Variants in AUTS2 observed in about 807,000 individuals in gnomAD.
The protein encoded by AUTS2 is autism susceptibility gene 2 protein.
In AUTS2, 17 loss-of-function variants were observed where a neutral mutation model predicts 112.4. The ratio of observed to expected loss-of-function variants is 0.15; its 90% CI spans 0.10 to 0.23. AUTS2 has a LOEUF of 0.23. Ranked by LOEUF, AUTS2 falls within the 10% of genes least tolerant of loss-of-function variation. The pLI is 1.00. For synonymous variants in AUTS2, 751 were observed against 702.7 expected (o/e 1.07, Z -1.09); for missense variants, 1,510 against 1,701.6 (o/e 0.89, Z 1.98).
intron 4 of AUTS2, among the ~76,000 whole-genome samples, chr7:70,185,879 G>A (rs1809577510): frequency 6.6e-6 from 1 of 152,190 alleles, no homozygotes; most frequent in South Asian, 2.1e-4. Context: ...AAAGGCGTGA[G>A]ATTGAGGGAT....
At chr7:70,722,242 G>A (rs1044279098) in intron 6 of AUTS2, among the ~76,000 whole-genome samples, 2 of 151,656 alleles carry the variant, frequency 1.3e-5, no homozygotes, top group Non-Finnish European at 1.5e-5. Context: ...CTCATGGTGG[G>A]GTTTGTTACC....
intron 1 of AUTS2, among the ~76,000 whole-genome samples, chr7:69,692,096 T>G (rs1797373903): frequency 6.6e-6 from 1 of 152,044 alleles, no homozygotes; most frequent in African/African-American, 2.4e-5. Flanking sequence ...GCTTTAGAGG[T>G]GGGAGAATTG....
chr7:70,010,777 G>C (rs561180000), intron 2 of AUTS2, among the ~76,000 whole-genome samples: 3 of 152,284 alleles, frequency 2.0e-5, no homozygotes, highest in African/African-American at 7.2e-5. Context: ...ACCCAAACTA[G>C]ATATTCTCCA....
intron 2 of AUTS2, among the ~76,000 whole-genome samples, chr7:69,931,112 T>TACAC (rs58190258): frequency 1.4e-3 from 210 of 148,994 alleles, no homozygotes; most frequent in South Asian, 3.2e-3. Context: ...ATTTTGGATT[T>TACAC]ACACACACAC....
chr7:69,729,365 C>T (rs546450376), intron 1 of AUTS2, among the ~76,000 whole-genome samples: 2 of 149,836 alleles, frequency 1.3e-5, no homozygotes, highest in South Asian at 2.1e-4. Flanking sequence ...GAAAACTTAT[C>T]TTTAAGAAGT....
At chr7:70,302,906 CT>C (rs61466921) in intron 4 of AUTS2, among the ~76,000 whole-genome samples, 621 of 127,824 alleles carry the variant, frequency 4.9e-3, no homozygotes, top group South Asian at 0.011. Context: ...GAAAGATCTT[CT>C]TTTTTTTTTT....
intron 4 of AUTS2, among the ~76,000 whole-genome samples, chr7:70,279,205 G>A (rs1318481705): frequency 6.6e-6 from 1 of 152,032 alleles, no homozygotes; most frequent in Admixed American, 6.6e-5. Context: ...TTATTTGATG[G>A]GAATAAAAAT....
chr7:69,759,533 C>T (rs1788078858), intron 1 of AUTS2, among the ~76,000 whole-genome samples: 11 of 151,962 alleles, frequency 7.2e-5, no homozygotes, highest in Admixed American at 7.2e-4. Context: ...TAGGGTTGTG[C>T]AACCTGTACT....
chr7:69,829,608 T>C (rs1293307648), intron 1 of AUTS2, among the ~76,000 whole-genome samples: 1 of 152,096 alleles, frequency 6.6e-6, no homozygotes, highest in Non-Finnish European at 1.5e-5. Context: ...AGAAGACATT[T>C]ATGCGGCCAA....
At chr7:70,159,895 A>C (rs1562749765) in intron 4 of AUTS2, among the ~76,000 whole-genome samples, 1 of 152,126 alleles carries the variant, frequency 6.6e-6, no homozygotes, top group South Asian at 2.1e-4. Flanking sequence ...TGTTTTTATC[A>C]TGGTGAAGGG....
intron 4 of AUTS2, among the ~76,000 whole-genome samples, chr7:70,178,621 G>A (rs1482196000): frequency 6.6e-6 from 1 of 151,994 alleles, no homozygotes; most frequent in African/African-American, 2.4e-5. Context: ...CCAACATGAC[G>A]AATCCCCGTC....
rs368420155 is a variant in AUTS2, at chr7:70,693,033, C to T, written c.691-5536C>T. Among the ~76,000 whole-genome samples, 8 of 152,180 alleles carry T rather than the reference C, an allele frequency of 5.3e-5. No individual in the cohort carries two copies. The East Asian group carries it at 1.5e-3, about 29-fold the overall frequency. ...GGTGTGCCCACTGTACTCCACAACC[C>T]TACCGGTTGCAACCTAGGGCTTGCT... is the stretch of plus-strand genomic sequence containing the variant. On this transcript the variant is annotated intron_variant, in intron 5 of 18. Coordinates refer to ENST00000342771, the MANE Select transcript of AUTS2 (RefSeq NM_015570.4).
chr7:70,501,351 CAG>C (rs1458910852), intron 5 of AUTS2, among the ~76,000 whole-genome samples: 3 of 152,170 alleles, frequency 2.0e-5, no homozygotes, highest in Admixed American at 6.5e-5. Context: ...CTTGTGGAAA[CAG>C]GGGCATTAAC....
intron 5 of AUTS2, among the ~76,000 whole-genome samples, chr7:70,468,362 C>G (rs1041306968): frequency 2.6e-5 from 4 of 152,150 alleles, no homozygotes; most frequent in African/African-American, 9.7e-5. Flanking sequence ...ACCTCCTGCT[C>G]TACCTTCCTG....
intron 5 of AUTS2, among the ~76,000 whole-genome samples, chr7:70,582,843 G>A (rs1802513457): frequency 6.6e-6 from 1 of 152,106 alleles, no homozygotes; most frequent in Admixed American, 6.6e-5. Context: ...TAAAAAAAAT[G>A]TGTTGTATAT....
intron 6 of AUTS2, among the ~76,000 whole-genome samples, chr7:70,704,036 T>C (rs563292906): frequency 1.3e-5 from 2 of 152,340 alleles, no homozygotes; most frequent in East Asian, 3.9e-4. Context: ...CTTGGAGAAT[T>C]TGTTGTATAG....
At chr7:70,187,779 T>C (rs995190716) in intron 4 of AUTS2, among the ~76,000 whole-genome samples, 1 of 147,760 alleles carries the variant, frequency 6.8e-6, no homozygotes, top group Non-Finnish European at 1.5e-5. Context: ...AGTCTTCTTT[T>C]TTTTTTTTTT....
chr7:70,154,033 C>T (rs1339274155), intron 4 of AUTS2, among the ~76,000 whole-genome samples: 2 of 152,294 alleles, frequency 1.3e-5, no homozygotes, highest in African/African-American at 2.4e-5. Context: ...CAGTCTTTCT[C>T]GGCAACATCT....
At position 69,767,998 on chromosome 7, in the gene AUTS2, C is replaced by T. The variant is rs552144122; in HGVS notation, c.310-131288C>T. Among the ~76,000 whole-genome samples the T allele has an allele frequency of 3.6e-4, 55 of 152,302 alleles. 2 individuals are homozygous for T. Among genetic ancestry groups the T allele is most frequent in the Middle Eastern group, 3.4e-3 (1 of 294 alleles). On this transcript the variant is annotated intron_variant, in intron 1 of 18. Transcript: ENST00000342771. The stretch of plus-strand genomic sequence containing the variant: ...CCCAGTGTATTGTAATTACTTCAGA[C>T]GGTCTCTCCCACCAGAGTTTATCCT...
Sources: gnomAD v4.1 joint callset for allele counts (sites outside exome capture counted in the v4.1 genomes callset) on GRCh38, gnomAD v4.1.1 for gene constraint, MANE v1.5 for transcripts, NCBI Gene and HGNC (gene_info 2026-07-23, HGNC 2026-07-21) for gene names.